TUSC3: variants seen among roughly 807,000 people sequenced by gnomAD.
The protein encoded by TUSC3 is dolichyl-diphosphooligosaccharide--protein glycosyltransferase subunit TUSC3.
TUSC3 carries 45 observed loss-of-function variants against 44.8 expected under a neutral mutation model. The observed-to-expected ratio is 1.00, with a 90% CI of 0.79 to 1.29. TUSC3 has a LOEUF of 1.29. Ranked by LOEUF, TUSC3 falls within the 50% of genes most tolerant of loss-of-function variation. The pLI, the probability that TUSC3 is intolerant of heterozygous loss-of-function variation, is 0.00. For synonymous variants in TUSC3, 212 were observed against 152.9 expected (o/e 1.39, Z -2.85); for missense variants, 519 against 437.9 (o/e 1.19, Z -1.65).
At chr8:15,563,109 A>T (rs1802538517) in intron 1 of TUSC3, among the ~76,000 whole-genome samples, 1 of 152,122 alleles carries the variant, frequency 6.6e-6, no homozygotes, top group Admixed American at 6.6e-5. Context: ...TGGCTTATAA[A>T]ACCCATATAA....
At chr8:15,560,427 GC>G (rs1220465474) in intron 1 of TUSC3, among the ~76,000 whole-genome samples, 1 of 147,382 alleles carries the variant, frequency 6.8e-6, no homozygotes, top group African/African-American at 2.5e-5. Context: ...CTCTCTGGCT[GC>G]CCTTAACATT....
chr8:15,777,958 A>AG, the TUSC3 span, among the ~76,000 whole-genome samples: 1 of 152,094 alleles, frequency 6.6e-6, no homozygotes, highest in Non-Finnish European at 1.5e-5. Context: ...CTATGCCTAA[A>AG]TTTTTCAAAT....
chr8:15,618,380 C>G (rs1308731448), intron 1 of TUSC3, among the ~76,000 whole-genome samples: 2 of 152,038 alleles, frequency 1.3e-5, no homozygotes, highest in East Asian at 1.9e-4. Flanking sequence ...AAAATATTTT[C>G]TTTATATCCT....
At chr8:15,656,993 G>A (rs957581412) in intron 3 of TUSC3, among the ~76,000 whole-genome samples, 4 of 152,278 alleles carry the variant, frequency 2.6e-5, no homozygotes, top group African/African-American at 7.2e-5. Context: ...ACAGCAGTAT[G>A]CAGGGAGTGG....
intron 6 of TUSC3, among the ~76,000 whole-genome samples, chr8:15,692,375 G>GTTTTTTTTTTTTTTTTTTT (rs59838929): frequency 5.9e-5 from 4 of 68,344 alleles, no homozygotes; most frequent in African/African-American, 5.7e-5. Context: ...CCCCCCCTTT[G>GTTTTTTTTTTTTTTTTTTT]TTTTTTTTTT....
chr8:15,472,818 A>G (rs1359978088), intron 1 of TUSC3, among the ~76,000 whole-genome samples: 2 of 152,236 alleles, frequency 1.3e-5, no homozygotes, highest in Non-Finnish European at 2.9e-5. Context: ...TATGCCATTA[A>G]ATGGCAAATG....
At chr8:15,744,188 G>A (rs1328233913) in intron 8 of TUSC3, among the ~76,000 whole-genome samples, 2 of 152,120 alleles carry the variant, frequency 1.3e-5, no homozygotes, top group African/African-American at 4.8e-5. Flanking sequence ...CAAGTTCTCC[G>A]GCATTATGTT....
At chr8:15,475,796 G>T (rs1800567283) in intron 1 of TUSC3, among the ~76,000 whole-genome samples, 2 of 152,090 alleles carry the variant, frequency 1.3e-5, no homozygotes, top group Non-Finnish European at 2.9e-5. Context: ...AAAGTACTTG[G>T]CATTAATAGG....
At chr8:15,627,482 G>A (rs971275115) in intron 2 of TUSC3, among the ~76,000 whole-genome samples, 8 of 152,224 alleles carry the variant, frequency 5.3e-5, no homozygotes, top group African/African-American at 1.9e-4. Context: ...AAATGGCAAG[G>A]CTAAAAGAGC....
intron 6 of TUSC3, among the ~76,000 whole-genome samples, chr8:15,699,228 A>C (rs540637518): frequency 1.3e-4 from 19 of 148,918 alleles, no homozygotes; most frequent in Admixed American, 1.2e-3. Flanking sequence ...TGTAACAACT[A>C]TTCAGTGAAT....
chr8:15,659,106 A>G (rs1436148937), intron 3 of TUSC3, among the ~76,000 whole-genome samples: 1 of 152,180 alleles, frequency 6.6e-6, no homozygotes, highest in Non-Finnish European at 1.5e-5. Context: ...TTAAAAACAA[A>G]TTCCAGTACT....
At chr8:15,457,550 CATG>C (rs1004601723) in intron 1 of TUSC3, among the ~76,000 whole-genome samples, 2 of 150,822 alleles carry the variant, frequency 1.3e-5, no homozygotes, top group African/African-American at 4.8e-5. Context: ...ATTACGCAAT[CATG>C]AGAACTTTTC....
At chr8:15,482,335 C>A (rs916760809) in intron 1 of TUSC3, among the ~76,000 whole-genome samples, 2 of 152,142 alleles carry the variant, frequency 1.3e-5, no homozygotes, top group Non-Finnish European at 2.9e-5. Flanking sequence ...TTGTGATTTC[C>A]TTTCATGAAT....
intron 6 of TUSC3, among the ~76,000 whole-genome samples, chr8:15,707,170 A>G (rs1306184506): frequency 6.6e-6 from 1 of 152,028 alleles, no homozygotes; most frequent in African/African-American, 2.4e-5. Context: ...CACTTTCATA[A>G]TGCCTACATA....
rs574008930 is a variant in TUSC3 at position 15,650,829 on chromosome 8, C to A, written c.426+15C>A. 1 of 1,597,402 alleles carries A rather than the reference C, an allele frequency of 6.3e-7. No individual in the cohort carries two copies. Among genetic ancestry groups the A allele is most frequent in the Non-Finnish European group, 8.6e-7 (1 of 1,164,836 alleles). Reference sequence around the variant, plus strand: ...TTTTTCAGCAGGTAAAGAGTTATATCGTATTCATATATTTAACATAGTTGT... The same window carrying A: ...TTTTTCAGCAGGTAAAGAGTTATATAGTATTCATATATTTAACATAGTTGT... On this transcript the variant is annotated intron_variant, in intron 3 of 10. Transcript: ENST00000503731.
the TUSC3 span, among the ~76,000 whole-genome samples, chr8:15,819,162 T>C: frequency 6.6e-6 from 1 of 152,220 alleles, no homozygotes; most frequent in Non-Finnish European, 1.5e-5. Context: ...GATGGTTTTC[T>C]GGATGTTTAC....
At chr8:15,726,493 T>C (rs1810501903) in intron 6 of TUSC3, among the ~76,000 whole-genome samples, 1 of 152,178 alleles carries the variant, frequency 6.6e-6, no homozygotes, top group African/African-American at 2.4e-5. Context: ...TATTTTATGT[T>C]GGTTCATATG....
chr8:15,622,408 C>G (rs927438517), intron 1 of TUSC3, among the ~76,000 whole-genome samples: 4 of 151,972 alleles, frequency 2.6e-5, no homozygotes, highest in African/African-American at 9.7e-5. Flanking sequence ...GCTAGGATTA[C>G]AGGTGTGAGC....
intron 9 of TUSC3, among the ~76,000 whole-genome samples, chr8:15,755,602 A>T (rs1811893323): frequency 1.3e-5 from 2 of 151,996 alleles, no homozygotes; most frequent in Non-Finnish European, 2.9e-5. Flanking sequence ...GCCAGCAATT[A>T]TAAACAACAG....
Sources: allele counts gnomAD v4.1 joint callset (sites outside exome capture counted in the v4.1 genomes callset), GRCh38; gene constraint gnomAD v4.1.1; transcripts MANE v1.5; gene names NCBI Gene and HGNC (gene_info 2026-07-23, HGNC 2026-07-21).